Variants in PDK1 observed in about 807,000 individuals in gnomAD.
The protein encoded by PDK1 is [Pyruvate dehydrogenase (acetyl-transferring)] kinase isozyme 1, mitochondrial.
Under a neutral mutation model 54.2 loss-of-function variants are expected in PDK1, and 39 were observed. That is an observed-to-expected ratio of 0.72 (90% CI 0.56 to 0.94). The LOEUF is 0.94. PDK1 is among the 40% of genes least tolerant of loss of function. PDK1 has a pLI of 0.00. For synonymous variants in PDK1, 221 were observed against 207.1 expected, an observed-to-expected ratio of 1.07 and a Z score of -0.58; for missense variants, 552 against 566.0, an observed-to-expected ratio of 0.98 and a Z score of 0.25.
At chr2:172,703,069 T>A in the PDK1 span, among the ~76,000 whole-genome samples, 1 of 152,194 alleles carries the variant, frequency 6.6e-6, no homozygotes, top group African/African-American at 2.4e-5. Flanking sequence ...GGGTGTGACC[T>A]GAATGCCATC....
chr2:172,640,351 A>G, the PDK1 span, among the ~76,000 whole-genome samples: 1 of 152,228 alleles, frequency 6.6e-6, no homozygotes, highest in East Asian at 1.9e-4. Flanking sequence ...TTTAGACACT[A>G]CGTCTAACTT....
At chr2:172,672,000 A>G in the PDK1 span, among the ~76,000 whole-genome samples, 2 of 152,174 alleles carry the variant, frequency 1.3e-5, no homozygotes, top group East Asian at 3.9e-4. Context: ...TTCTCTTACT[A>G]TTTATATGGG....
At chr2:172,634,287 T>TATTATTATTATTATTATTA in the PDK1 span, among the ~76,000 whole-genome samples, 9 of 149,384 alleles carry the variant, frequency 6.0e-5, no homozygotes, top group Non-Finnish European at 8.9e-5. Context: ...TTATTATTAT[T>TATTATTATTATTATTATTA]TTGGAGACCG....
chr2:172,657,640 T>C, the PDK1 span, among the ~76,000 whole-genome samples: 1 of 152,022 alleles, frequency 6.6e-6, no homozygotes, highest in Non-Finnish European at 1.5e-5. Flanking sequence ...ACTTGAACAA[T>C]AGCAGGTGCA....
downstream of PDK1, among the ~76,000 whole-genome samples, chr2:172,612,030 C>G (rs1203845350): frequency 1.3e-5 from 2 of 152,154 alleles, no homozygotes; most frequent in African/African-American, 4.8e-5. Flanking sequence ...ACATATTTGC[C>G]ATATCATAAT....
At chr2:172,635,877 G>T in the PDK1 span, among the ~76,000 whole-genome samples, 2 of 152,160 alleles carry the variant, frequency 1.3e-5, no homozygotes, top group African/African-American at 4.8e-5. Context: ...AAGCCCACCA[G>T]AATTATTCAT....
chr2:172,636,372 G>A, the PDK1 span, among the ~76,000 whole-genome samples: 2 of 152,068 alleles, frequency 1.3e-5, no homozygotes, highest in African/African-American at 2.4e-5. Flanking sequence ...GGAGAGAGAG[G>A]GGGAGGAAGG....
chr2:172,636,958 C>A, the PDK1 span, among the ~76,000 whole-genome samples: 10 of 152,144 alleles, frequency 6.6e-5, no homozygotes, highest in African/African-American at 2.4e-4. Context: ...CAAACCGTAC[C>A]AAAGGGTAAA....
the PDK1 span, among the ~76,000 whole-genome samples, chr2:172,634,772 CAAAA>C: frequency 1.9e-4 from 25 of 129,710 alleles, no homozygotes; most frequent in Non-Finnish European, 3.1e-4. Context: ...TCTTAAAATG[CAAAA>C]AAAAAAAAAA....
At chr2:172,590,503 C>T (rs956445594) in intron 9 of PDK1, among the ~76,000 whole-genome samples, 8 of 152,126 alleles carry the variant, frequency 5.3e-5, no homozygotes, top group African/African-American at 1.9e-4. Context: ...TGTTACAGCT[C>T]TTAAAGGTGG....
intron 6 of PDK1, 45 bp downstream of exon 6, chr2:172,566,978 A>G (rs1688989671): frequency 8.1e-6 from 10 of 1,240,454 alleles, no homozygotes; most frequent in Non-Finnish European, 9.4e-6. Context: ...TGCTTTGATT[A>G]CTTGATAAGG....
rs1055384153 is a variant in PDK1 at position 172,608,158 on chromosome 2, T to C, written c.*12189T>C. 1.3e-5 allele frequency: 2 copies of C among 151,932 alleles called. No individual in the cohort carries two copies. The highest frequency in any genetic ancestry group is 1.3e-4 in the Admixed American group (2 of 15,246). The allele number at this position is 151,932 out of a possible 1,614,324, so 9.4% of individuals were successfully genotyped here. ...ATTTACAATCTAAATATAACAAACA[T>C]ATAGAGTGAGATAGGAGAAAAGAAA... On this transcript the variant is annotated 3_prime_UTR_variant, in exon 11 of 11. Coordinates refer to ENST00000282077, the MANE Select transcript of PDK1 (RefSeq NM_002610.5).
the PDK1 span, among the ~76,000 whole-genome samples, chr2:172,616,359 G>T: frequency 2.6e-5 from 4 of 152,120 alleles, no homozygotes; most frequent in South Asian, 2.1e-4. Flanking sequence ...TTTATCCAGC[G>T]AAATACAGCA....
At chr2:172,591,279 G>C (rs1388619772) in intron 9 of PDK1, among the ~76,000 whole-genome samples, 1 of 152,168 alleles carries the variant, frequency 6.6e-6, no homozygotes, top group Non-Finnish European at 1.5e-5. Flanking sequence ...TCCAGAGGTT[G>C]GTATAAGAGT....
chr2:172,696,665 A>C, the PDK1 span, among the ~76,000 whole-genome samples: 2 of 152,106 alleles, frequency 1.3e-5, no homozygotes. Context: ...TTATTTATAC[A>C]CTCTGACTCT....
At chr2:172,722,479 G>A in the PDK1 span, among the ~76,000 whole-genome samples, 6 of 152,200 alleles carry the variant, frequency 3.9e-5, no homozygotes, top group Non-Finnish European at 8.8e-5. Flanking sequence ...AGATGAAGTC[G>A]AGAAGCTAAA....
chr2:172,581,141 G>A (rs1304156237), intron 8 of PDK1, among the ~76,000 whole-genome samples: 2 of 152,166 alleles, frequency 1.3e-5, no homozygotes, highest in African/African-American at 2.4e-5. Flanking sequence ...TGCCCAGGCT[G>A]GAGTGCGGTG....
the PDK1 span, among the ~76,000 whole-genome samples, chr2:172,631,164 TG>T: frequency 6.6e-6 from 1 of 152,262 alleles, no homozygotes; most frequent in Non-Finnish European, 1.5e-5. Flanking sequence ...TGCTGTTTTG[TG>T]GGGCCACCTC....
At chr2:172,633,499 G>A in the PDK1 span, among the ~76,000 whole-genome samples, 3 of 147,418 alleles carry the variant, frequency 2.0e-5, no homozygotes, top group African/African-American at 5.0e-5. Context: ...ATGCACTGCT[G>A]ATTCTGATAA....
Sources: allele counts gnomAD v4.1 joint callset (sites outside exome capture counted in the v4.1 genomes callset), GRCh38; gene constraint gnomAD v4.1.1; transcripts MANE v1.5; gene names NCBI Gene and HGNC (gene_info 2026-07-23, HGNC 2026-07-21).